The following CCDC18 variants were observed in gnomAD, a reference collection of about 807,000 sequenced individuals.
CCDC18 encodes the protein coiled-coil domain-containing protein 18.
In CCDC18, 157 loss-of-function variants were observed where a neutral mutation model predicts 196.0. The observed-to-expected ratio is 0.80, with a 90% CI of 0.70 to 0.91. The LOEUF (loss-of-function observed/expected upper bound fraction) is 0.91, where lower values mean the gene tolerates loss of function less well. CCDC18 is among the 40% of genes least tolerant of loss of function. The pLI, the probability that CCDC18 is intolerant of heterozygous loss-of-function variation, is 0.00. For synonymous variants in CCDC18, 482 were observed against 529.2 expected, an observed-to-expected ratio of 0.91 and a Z score of 1.22; for missense variants, 1,465 against 1,611.6, an observed-to-expected ratio of 0.91 and a Z score of 1.56.
At chr1:93,237,384 A>G (rs895960062) in intron 19 of CCDC18, among the ~76,000 whole-genome samples, 1 of 152,192 alleles carries the variant, frequency 6.6e-6, no homozygotes, top group African/African-American at 2.4e-5. Flanking sequence ...TTTCCAGGTC[A>G]GCTCTCATAT....
At chr1:93,213,925 G>A (rs1656076762) in intron 11 of CCDC18, among the ~76,000 whole-genome samples, 1 of 152,218 alleles carries the variant, frequency 6.6e-6, no homozygotes, top group Non-Finnish European at 1.5e-5. Flanking sequence ...AATGGCTACT[G>A]ATGCAAATCT....
intron 10 of CCDC18, among the ~76,000 whole-genome samples, chr1:93,211,306 G>A (rs1247258939): frequency 6.7e-6 from 1 of 150,064 alleles, no homozygotes; most frequent in East Asian, 1.9e-4. Flanking sequence ...CTTAATTGAG[G>A]AATTTAAAAA....
intron 6 of CCDC18, among the ~76,000 whole-genome samples, chr1:93,200,736 G>A (rs1653686785): frequency 6.6e-6 from 1 of 152,112 alleles, no homozygotes; most frequent in South Asian, 2.1e-4. Context: ...GGAGTACATG[G>A]TAATATTTAT....
upstream of CCDC18, chr1:93,180,528 C>A (rs756170177): frequency 3.3e-6 from 5 of 1,518,204 alleles, no homozygotes; most frequent in Admixed American, 7.6e-5. Context: ...GCCTCCGGTT[C>A]CCATGGCTTC....
At chr1:93,201,841 C>A (rs975537976) in intron 6 of CCDC18, 51 bp from the exon 7 acceptor site, 2 of 1,193,070 alleles carry the variant, frequency 1.7e-6, no homozygotes, top group Non-Finnish European at 2.4e-6. Context: ...CTTAACTCTT[C>A]AAATGCAGAG....
chr1:93,217,949 C>T lies in CCDC18; in HGVS notation c.1962+80C>T, dbSNP rs376204115. On this transcript the variant is annotated intron_variant, in intron 14 of 28. Transcript: ENST00000690025. ...GCCCCAGCATTTTTTATTTTGTAGA[C>T]GAGGACACAAAGATACACAAAAGTT... 1.0e-4 allele frequency: 119 copies of T among 1,194,964 alleles called. No homozygotes were observed. In the Middle Eastern group the frequency reaches 1.2e-3, roughly 12 times the overall value. The allele number at this position is 1,194,964 out of a possible 1,614,324, so 74.0% of individuals were successfully genotyped here.
chr1:93,202,057 A>G lies in CCDC18; in HGVS notation c.795+69A>G, dbSNP rs2101840555. 9.6e-6 allele frequency: 8 copies of G among 836,766 alleles called. No individual in the cohort carries two copies. In the East Asian group the frequency reaches 1.8e-4, roughly 19 times the overall value. The allele number at this position is 836,766 out of a possible 1,614,324, so 51.8% of individuals were successfully genotyped here. A position where few individuals can be genotyped will look rare whatever the true frequency, so the allele number is the denominator to read the frequency against. On this transcript the variant is annotated intron_variant, in intron 7 of 28. Coordinates refer to ENST00000690025, the MANE Select transcript of CCDC18 (RefSeq NM_001378204.1). ...ATATTCCAACAGTAAAGGTAGGAAT[A>G]ATTAAAATATGTTTATGGTTGAGAC...
intron 24 of CCDC18, among the ~76,000 whole-genome samples, chr1:93,255,552 A>G (rs965923413): frequency 6.6e-6 from 1 of 152,138 alleles, no homozygotes; most frequent in Non-Finnish European, 1.5e-5. Flanking sequence ...GCATCGTAGC[A>G]GTGGGACCCC....
intron 26 of CCDC18, among the ~76,000 whole-genome samples, chr1:93,259,821 T>G (rs770580829): frequency 6.6e-6 from 1 of 152,226 alleles, no homozygotes; most frequent in Non-Finnish European, 1.5e-5. Context: ...TCAGTAATAA[T>G]TAGGCGCTTT....
At chr1:93,273,369 A>G (rs1665457034) in intron 28 of CCDC18, 1 of 152,208 alleles carries the variant, frequency 6.6e-6, no homozygotes, top group African/African-American at 2.4e-5. Flanking sequence ...TGCCCGGCCA[A>G]TTGCTTTTAT....
intron 23 of CCDC18, among the ~76,000 whole-genome samples, chr1:93,252,940 C>T (rs1317697851): frequency 2.0e-5 from 3 of 152,198 alleles, no homozygotes; most frequent in Admixed American, 6.5e-5. Context: ...GGTCAAGTTG[C>T]GTACTAAGGC....
In CCDC18 at chr1:93,216,647, A is replaced by G. The variant is rs1245752424; in HGVS notation, c.1731A>G (p.Lys577=). The change falls in exon 13 of 29, where the codon AAA becomes AAG. Residue 577 remains lysine (K), a synonymous_variant. Coordinates refer to ENST00000690025, the MANE Select transcript of CCDC18 (RefSeq NM_001378204.1). ...SSKLESEMTK[K]CSQLLTLEKQ... ...CAATGTGTTTTCAGATGACAAAGAA[A>G]TGTTCTCAACTTTTAACTCTTGAGA... is the stretch of plus-strand genomic sequence containing the variant. 1.3e-6 allele frequency: 2 copies of G among 1,527,610 alleles called. No homozygotes were observed. The highest frequency in any genetic ancestry group is 1.2e-5 in the South Asian group (1 of 81,290). 94.6% of individuals were successfully genotyped at this position (1,527,610 alleles called of 1,614,324 possible).
intron 6 of CCDC18, among the ~76,000 whole-genome samples, chr1:93,194,437 A>C (rs1204894585): frequency 2.0e-5 from 3 of 152,196 alleles, no homozygotes; most frequent in Admixed American, 1.3e-4. Context: ...GCAATTTTGC[A>C]ATTTGCAATA....
chr1:93,258,649 T>TA, intron 25 of CCDC18, 99 bp from the exon 26 acceptor site: 1 of 929,426 alleles, frequency 1.1e-6, no homozygotes, highest in Non-Finnish European at 1.5e-6. Context: ...TTATATAATA[T>TA]AAAAAATTAA....
intron 23 of CCDC18, 117 bp from the exon 24 acceptor site, chr1:93,254,354 C>T (rs1204117733): frequency 4.3e-6 from 3 of 697,620 alleles, no homozygotes; most frequent in Non-Finnish European, 7.0e-6. Context: ...TTGCCTTAAC[C>T]TATTTATATT....
chr1:93,214,639 A>T, intron 11 of CCDC18, 104 bp from the exon 12 acceptor site: 1 of 724,946 alleles, frequency 1.4e-6, no homozygotes, highest in Non-Finnish European at 2.3e-6. Context: ...AGTACTCTTT[A>T]GATCAGAAAC....
Position 93,258,803 on chromosome 1 carries a change from C to T in CCDC18, c.3602C>T (p.Ala1201Val). 6.3e-7 allele frequency: 1 copy of T among 1,594,668 alleles called. No homozygotes were observed. The highest frequency in any genetic ancestry group is 1.1e-5 in the South Asian group (1 of 87,694). Residue 1201 changes from alanine to valine, a missense_variant, in exon 26 of 29, where the codon GCT (alanine) becomes GTT (valine). Transcript: ENST00000690025. ...EELGASKVRE[A>V]HLEARMQAEI... is the part of the protein sequence containing the mutation. ...CTGGGGGCTTCTAAAGTACGTGAAG[C>T]TCATTTAGAAGCAAGAATGCAAGCA...
chr1:93,182,988 G>A (rs1471780851), intron 1 of CCDC18, among the ~76,000 whole-genome samples: 1 of 152,092 alleles, frequency 6.6e-6, no homozygotes, highest in Non-Finnish European at 1.5e-5. Context: ...TTCAAATCTT[G>A]ATTTCACCAT....
upstream of CCDC18, chr1:93,179,935 G>T (rs1649233843): frequency 1.7e-6 from 2 of 1,148,208 alleles, no homozygotes; most frequent in African/African-American, 1.6e-5. Context: ...CTGGCTTCCT[G>T]AACGGCCCTC....
Sources: allele counts gnomAD v4.1 joint callset (sites outside exome capture counted in the v4.1 genomes callset), GRCh38; gene constraint gnomAD v4.1.1; transcripts MANE v1.5; gene names NCBI Gene and HGNC (gene_info 2026-07-23, HGNC 2026-07-21).